The following SYT14 variants were observed in gnomAD, a reference collection of about 807,000 sequenced individuals.
The protein encoded by SYT14 is synaptotagmin 14.
SYT14 carries 32 observed loss-of-function variants against 74.2 expected under a neutral mutation model. The observed-to-expected ratio is 0.43, with a 90% confidence interval of 0.33 to 0.58. The LOEUF (loss-of-function observed/expected upper bound fraction) is 0.58, where lower values mean the gene tolerates loss of function less well. Ranked by LOEUF, SYT14 falls within the 20% of genes least tolerant of loss-of-function variation. The pLI is 0.05. For synonymous variants in SYT14, 298 were observed against 337.7 expected (o/e 0.88, Z 1.29); for missense variants, 791 against 981.8 (o/e 0.81, Z 2.60).
intron 7 of SYT14, among the ~76,000 whole-genome samples, chr1:210,104,033 T>C (rs531963815): frequency 2.8e-4 from 42 of 152,222 alleles, no homozygotes; most frequent in Non-Finnish European, 5.4e-4. Context: ...CTCATACTTA[T>C]TTTCTGGAAA....
At chr1:209,985,055 C>T (rs1375662247) in intron 2 of SYT14, among the ~76,000 whole-genome samples, 4 of 152,178 alleles carry the variant, frequency 2.6e-5, no homozygotes, top group Non-Finnish European at 1.5e-5. Flanking sequence ...CTATATCATT[C>T]CACCCCTGGC....
rs1219062826 is a variant in SYT14, at chr1:209,953,161, C to T, written c.-486+405C>T. ...GTTGAAATTCAAATCGGGAACATAT[C>T]CAAAGACCACAACATCCTTTGACAC... is the stretch of plus-strand genomic sequence containing the variant. On this transcript the variant is annotated intron_variant, in intron 2 of 9. Transcript: ENST00000637265. 4 of 1,289,278 alleles carry T rather than the reference C, an allele frequency of 3.1e-6. No homozygotes were observed. The Admixed American group carries it at 6.9e-5, about 22-fold the overall frequency. 79.9% of individuals were successfully genotyped at this position (1,289,278 alleles called of 1,614,324 possible). A position where few individuals can be genotyped will look rare whatever the true frequency, so the allele number is the denominator to read the frequency against.
At chr1:210,100,577 A>G in intron 7 of SYT14, 116 bp downstream of exon 6, 2 of 1,008,010 alleles carry the variant, frequency 2.0e-6, no homozygotes, top group Non-Finnish European at 3.0e-6. Context: ...TTTACATAGT[A>G]ATCATGCCTT....
rs35220448 is a variant in SYT14, at chr1:209,940,367, C to CTT, written c.-534+2101_-534+2102dup. On this transcript the variant is annotated intron_variant, in intron 1 of 9. Transcript: ENST00000637265. ...TCATTCACCTATTAATTCAGTAGAC[C>CTT]TTTTTTTTTTTTGTACAATAGCTGT... 1.4e-3 allele frequency among the ~76,000 whole-genome samples: 204 copies of CTT among 144,958 alleles called. 1 individual carries two copies. Among genetic ancestry groups the CTT allele is most frequent in the African/African-American group, 4.7e-3 (188 of 39,842 alleles).
intron 5 of SYT14, among the ~76,000 whole-genome samples, chr1:210,081,204 C>T (rs1289941678): frequency 6.6e-6 from 1 of 152,112 alleles, no homozygotes; most frequent in African/African-American, 2.4e-5. Flanking sequence ...TTTAGGATAT[C>T]GTCTTGAAAG....
intron 5 of SYT14, among the ~76,000 whole-genome samples, chr1:210,046,008 G>A (rs1416451782): frequency 2.0e-5 from 3 of 152,052 alleles, no homozygotes; most frequent in African/African-American, 7.2e-5. Context: ...CTTAATAATT[G>A]CTAACACATT....
chr1:210,161,599 A>G (rs1449334290), exon 10 of SYT14: 1 of 453,990 alleles, frequency 2.2e-6, no homozygotes, highest in South Asian at 1.6e-5. Context: ...ACTTAGGTTC[A>G]TTGTGCCTCA....
intron 5 of SYT14, among the ~76,000 whole-genome samples, chr1:210,028,549 T>C (rs1348873363): frequency 2.6e-5 from 4 of 152,214 alleles, no homozygotes; most frequent in Admixed American, 2.6e-4. Context: ...ACCAACTTAT[T>C]TCACTTAGCA....
At chr1:209,984,387 A>G (rs2079538201) in intron 2 of SYT14, among the ~76,000 whole-genome samples, 1 of 152,128 alleles carries the variant, frequency 6.6e-6, no homozygotes, top group African/African-American at 2.4e-5. Flanking sequence ...CAGAGTTTTG[A>G]AATAGTTGAT....
intron 5 of SYT14, among the ~76,000 whole-genome samples, chr1:210,073,028 C>A (rs2081423525): frequency 6.9e-6 from 1 of 145,102 alleles, no homozygotes; most frequent in East Asian, 2.0e-4. Context: ...AAAAAAAAAT[C>A]TTGTATTGCA....
chr1:210,171,315 A>G (rs952890402), exon 10 of SYT14: 24 of 152,120 alleles, frequency 1.6e-4, no homozygotes, highest in Admixed American at 5.2e-4. Context: ...GCATCATCTA[A>G]TCTCTGATTG....
chr1:210,020,300 G>T (rs2080276104), intron 4 of SYT14, among the ~76,000 whole-genome samples: 1 of 152,044 alleles, frequency 6.6e-6, no homozygotes, highest in Non-Finnish European at 1.5e-5. Flanking sequence ...TGGACATTTA[G>T]GTTATCTCTT....
chr1:210,057,583 CAAT>C (rs2081124080), intron 5 of SYT14, among the ~76,000 whole-genome samples: 1 of 152,120 alleles, frequency 6.6e-6, no homozygotes, highest in East Asian at 1.9e-4. Flanking sequence ...TTTAATAAAT[CAAT>C]AATTTTTTTA....
At chr1:209,987,156 T>G (rs2079585372) in intron 2 of SYT14, among the ~76,000 whole-genome samples, 1 of 152,194 alleles carries the variant, frequency 6.6e-6, no homozygotes, top group Admixed American at 6.6e-5. Context: ...TCTTCCTGTC[T>G]TCTTCTGAGC....
chr1:209,964,794 A>G (rs2079129316), intron 2 of SYT14, among the ~76,000 whole-genome samples: 1 of 152,168 alleles, frequency 6.6e-6, no homozygotes, highest in South Asian at 2.1e-4. Context: ...TTGCCATGTA[A>G]GCACCCTCTT....
intron 5 of SYT14, among the ~76,000 whole-genome samples, chr1:210,082,787 G>A (rs2081640313): frequency 6.6e-6 from 1 of 152,128 alleles, no homozygotes; most frequent in African/African-American, 2.4e-5. Context: ...ACCAAGAGCT[G>A]TTTCTCAAAA....
At chr1:210,073,009 TAAAA>T (rs11299416) in intron 5 of SYT14, among the ~76,000 whole-genome samples, 2 of 144,232 alleles carry the variant, frequency 1.4e-5, no homozygotes, top group Admixed American at 6.9e-5. Context: ...TTGCAATCTG[TAAAA>T]AAAAAAAAAA....
chr1:210,094,933 A>AT (rs1175509900), intron 6 of SYT14, among the ~76,000 whole-genome samples: 8 of 151,740 alleles, frequency 5.3e-5, no homozygotes, highest in Non-Finnish European at 7.4e-5. Flanking sequence ...TTTATTTTGG[A>AT]TTTTTTTACT....
chr1:210,138,661 G>C (rs193058783), intron 7 of SYT14, among the ~76,000 whole-genome samples: 1 of 152,266 alleles, frequency 6.6e-6, no homozygotes, highest in East Asian at 1.9e-4. Context: ...CACAGTCACT[G>C]CTTTTTCTAT....
Sources: allele counts gnomAD v4.1 joint callset (sites outside exome capture counted in the v4.1 genomes callset), GRCh38; gene constraint gnomAD v4.1.1; transcripts MANE v1.5; gene names NCBI Gene and HGNC (gene_info 2026-07-23, HGNC 2026-07-21).